The following VWA7 variants were observed in gnomAD, a reference collection of about 807,000 sequenced individuals.
The protein encoded by VWA7 is von Willebrand factor A domain-containing protein 7.
VWA7 carries 66 observed loss-of-function variants against 83.1 expected under a neutral mutation model. The ratio of observed to expected loss-of-function variants is 0.79; its 90% CI spans 0.65 to 0.98. The LOEUF (loss-of-function observed/expected upper bound fraction) is 0.98. VWA7 is among the 50% of genes least tolerant of loss of function. The pLI is 0.00. For synonymous variants in VWA7, 424 were observed against 488.5 expected, an observed-to-expected ratio of 0.87 and a Z score of 1.74; for missense variants, 1,080 against 1,160.2, an observed-to-expected ratio of 0.93 and a Z score of 1.00.
rs1246846924 is a variant in VWA7, at chr6:31,767,715, G to A, written c.1543C>T (p.Gln515Ter). ...CCATCCACGCTGAACACAAGTGGCT[G>A]CCCAGGCACCACAACAGGAGGGTCC... The part of the protein sequence containing the change: ...PLDPPVVVPG[Q>*]PLVFSVDGLL... The change falls in exon 11 of 17, where the codon CAG becomes TAG. Residue 515 changes from glutamine to a stop codon, truncating the protein, a stop_gained. Coordinates refer to ENST00000375688, the MANE Select transcript of VWA7 (RefSeq NM_025258.3). LOFTEE classifies it high-confidence loss of function. The A allele has an allele frequency of 1.9e-6, 3 of 1,612,754 alleles. No individual in the cohort carries two copies. Among genetic ancestry groups the A allele is most frequent in the Admixed American group, 1.7e-5 (1 of 59,984 alleles).
rs1261958994 is a variant in VWA7 at position 31,771,969 on chromosome 6, C to G, written c.1087+985G>C. On this transcript the variant is annotated intron_variant, in intron 7 of 16. Coordinates refer to ENST00000375688, the MANE Select transcript of VWA7 (RefSeq NM_025258.3). The stretch of plus-strand genomic sequence containing the variant: ...TCGCGCCATGGCACTCCAGCCTGGG[C>G]GACAGAGCGAGACTCCGTCTCAAAA... The G allele has an allele frequency of 3.4e-5, 4 of 116,104 alleles. 1 individual carries two copies. The highest frequency in any genetic ancestry group is 6.4e-5 in the Non-Finnish European group (4 of 62,366). 7.2% of individuals were successfully genotyped at this position (116,104 alleles called of 1,614,324 possible).
chr6:31,776,462 T>C lies in VWA7; in HGVS notation c.234+84A>G. ...GGTGGGGCCATGGGTGTCTCTTCTC[T>C]TGGCAACCAGAGCCCTCAAGGAGTA... On this transcript the variant is annotated intron_variant, in intron 2 of 16. Coordinates refer to ENST00000375688, the MANE Select transcript of VWA7 (RefSeq NM_025258.3). The surrounding 1 kb of genome is among the most constrained non-coding windows in gnomAD (Gnocchi z 6.2). 7.5e-7 allele frequency: 1 copy of C among 1,335,954 alleles called. No homozygotes were observed. The highest frequency in any genetic ancestry group is 1.0e-6 in the Non-Finnish European group (1 of 988,162). 82.8% of individuals were successfully genotyped at this position (1,335,954 alleles called of 1,614,324 possible).
rs1168472234 is a variant in VWA7 at position 31,766,402 on chromosome 6, T to C, written c.2185-18A>G. ...CCACTAAGCTGCAGAGAAGGGTTCT[T>C]CAGGGAAGGGGCCGCTCTAACTCTC... On this transcript the variant is annotated intron_variant, in intron 14 of 16. Coordinates refer to ENST00000375688, the MANE Select transcript of VWA7 (RefSeq NM_025258.3). The surrounding 1 kb of genome is among the most constrained non-coding windows in gnomAD (Gnocchi z 4.9). 6.3e-7 allele frequency: 1 copy of C among 1,587,176 alleles called. No homozygotes were observed. Among genetic ancestry groups the C allele is most frequent in the Non-Finnish European group, 8.6e-7 (1 of 1,167,372 alleles).
intron 10 of VWA7, 22 bp downstream of exon 10, chr6:31,768,996 G>A: frequency 6.3e-7 from 1 of 1,596,652 alleles, no homozygotes; most frequent in South Asian, 1.1e-5. Context: ...GTTCCTAAGT[G>A]AGGGCCCTGG....
Position 31,776,749 on chromosome 6 carries a change from G to C in VWA7, c.31C>G (p.Pro11Ala). 2.1e-6 allele frequency: 3 copies of C among 1,458,884 alleles called. No individual in the cohort carries two copies. The highest frequency in any genetic ancestry group is 2.7e-6 in the Non-Finnish European group (3 of 1,099,586). The allele number at this position is 1,458,884 out of a possible 1,614,324, so 90.4% of individuals were successfully genotyped here. Residue 11 changes from proline to alanine, a missense_variant, in exon 2 of 17, where the codon CCG becomes GCG. Pro to Ala is a conservative substitution (Grantham distance 27). Coordinates refer to ENST00000375688, the MANE Select transcript of VWA7 (RefSeq NM_025258.3). This position sits in a 1 kb window ranked among gnomAD's most constrained non-coding sequence, Gnocchi z 6.2. ...AGCAGAAGCAACGCTGAGGGGCCCG[G>C]GTGGGATTGGGGGACCTCCGTGGGG... MLPTEVPQSH[P>A]GPSALLLLQL...
At position 31,777,306 on chromosome 6, in the gene VWA7, T is replaced by G. The variant is rs1228938518; in HGVS notation, c.-213A>C. On this transcript the variant is annotated 5_prime_UTR_variant, in exon 1 of 17. Transcript: ENST00000375688. The surrounding 1 kb of genome is among the most constrained non-coding windows in gnomAD (Gnocchi z 5.8). ...CAGCCCACGCCAGGGCGGGCCTCCC[T>G]TGGCTGCAGTGCGGAGGTGAGTGAG... The G allele has an allele frequency of 3.8e-6, 2 of 532,798 alleles. No homozygotes were observed. The highest frequency in any genetic ancestry group is 6.7e-6 in the Non-Finnish European group (2 of 298,970). The allele number at this position is 532,798 out of a possible 1,614,324, so 33.0% of individuals were successfully genotyped here.
rs1376036179 is a variant in VWA7, at chr6:31,766,606, C to T, written c.2041G>A (p.Gly681Ser). Reference protein sequence around the residue: ...PLEPVGPPERGLLAASLSPTL... With the variant: ...PLEPVGPPERSLLAASLSPTL... ...GGCGACAGCGAGGCTGCGAGGAGACCTCGCTCCGGAGGTCCCACGGGCTCC... is the reference window on the plus strand; with the variant it reads ...GGCGACAGCGAGGCTGCGAGGAGACTTCGCTCCGGAGGTCCCACGGGCTCC... Residue 681 changes from glycine to serine, a missense_variant, in exon 14 of 17, where the codon GGT (glycine) becomes AGT (serine). Gly to Ser is a moderately conservative substitution (Grantham distance 56). Transcript: ENST00000375688. The surrounding 1 kb of genome is among the most constrained non-coding windows in gnomAD (Gnocchi z 4.9). 1 of 1,613,040 alleles carries T rather than the reference C, an allele frequency of 6.2e-7. No individual in the cohort carries two copies. Among genetic ancestry groups the T allele is most frequent in the Admixed American group, 1.7e-5 (1 of 60,030 alleles).
chr6:31,768,700 C>T (rs1015492639), intron 10 of VWA7, among the ~76,000 whole-genome samples: 1 of 152,098 alleles, frequency 6.6e-6, no homozygotes, highest in Non-Finnish European at 1.5e-5. Flanking sequence ...AAAAATTAGC[C>T]AGGCCTGGTG....
intron 10 of VWA7, among the ~76,000 whole-genome samples, chr6:31,768,412 C>G (rs1261870249): frequency 6.6e-6 from 1 of 151,974 alleles, no homozygotes; most frequent in East Asian, 1.9e-4. Context: ...GGTTCAAGAA[C>G]AGCTTAGTCA....
At chr6:31,767,036 T>C (rs1811659526) in intron 13 of VWA7, 122 bp downstream of exon 13, 1 of 450,370 alleles carries the variant, frequency 2.2e-6, no homozygotes, top group Non-Finnish European at 3.9e-6. Flanking sequence ...GTTATGCATA[T>C]GCACAGATGT....
In VWA7 at chr6:31,776,307, T is replaced by C; in HGVS notation, c.235-65A>G. 1 of 1,559,650 alleles carries C rather than the reference T, an allele frequency of 6.4e-7. No homozygotes were observed. The highest frequency in any genetic ancestry group is 8.7e-7 in the Non-Finnish European group (1 of 1,152,482). ...TTTGGATTGACTGTTGCCCACCTTA[T>C]CTCAGCAACTGACACTCAAGGCTGG... On this transcript the variant is annotated intron_variant, in intron 2 of 16. Transcript: ENST00000375688. This position sits in a 1 kb window ranked among gnomAD's most constrained non-coding sequence, Gnocchi z 6.2.
Position 31,776,988 on chromosome 6 carries a change from G to A in VWA7, c.-16+121C>T. 1 of 428,488 alleles carries A rather than the reference G, an allele frequency of 2.3e-6. No individual in the cohort carries two copies. Among genetic ancestry groups the A allele is most frequent in the Non-Finnish European group, 4.1e-6 (1 of 242,650 alleles). 26.5% of individuals were successfully genotyped at this position (428,488 alleles called of 1,614,324 possible). ...CATTAGGGACATACACACCTGCCAGGAGAGGGGTCCAAGGTTCCTCCCCCA... is the reference window on the plus strand; with the variant it reads ...CATTAGGGACATACACACCTGCCAGAAGAGGGGTCCAAGGTTCCTCCCCCA... On this transcript the variant is annotated intron_variant, in intron 1 of 16. Transcript: ENST00000375688. This position sits in a 1 kb window ranked among gnomAD's most constrained non-coding sequence, Gnocchi z 6.2.
chr6:31,776,437 G>A lies in VWA7; in HGVS notation c.234+109C>T, dbSNP rs371665064. The A allele has an allele frequency of 2.6e-5, 32 of 1,231,618 alleles. No individual in the cohort carries two copies. In the East Asian group the frequency reaches 4.9e-4, roughly 19 times the overall value. 76.3% of individuals were successfully genotyped at this position (1,231,618 alleles called of 1,614,324 possible). ...GACTACTGGGTATTATTGCTGCAGG[G>A]GTGGGGCCATGGGTGTCTCTTCTCT... On this transcript the variant is annotated intron_variant, in intron 2 of 16. Transcript: ENST00000375688. The surrounding 1 kb of genome is among the most constrained non-coding windows in gnomAD (Gnocchi z 6.2).
Position 31,776,810 on chromosome 6 carries a change from C to G in VWA7, c.-15-16G>C. On this transcript the variant is annotated splice_polypyrimidine_tract_variant and intron_variant, in intron 1 of 16. Coordinates refer to ENST00000375688, the MANE Select transcript of VWA7 (RefSeq NM_025258.3). This position sits in a 1 kb window ranked among gnomAD's most constrained non-coding sequence, Gnocchi z 6.2. ...AGACATGGACCTGGGAGACAGAAGG[C>G]TCTCAAGGGAGGAGGAAGCAGCCGC... is the stretch of plus-strand genomic sequence containing the variant. The G allele has an allele frequency of 7.6e-7, 1 of 1,317,556 alleles. No homozygotes were observed. The highest frequency in any genetic ancestry group is 9.9e-7 in the Non-Finnish European group (1 of 1,007,944). The allele number at this position is 1,317,556 out of a possible 1,614,324, so 81.6% of individuals were successfully genotyped here. A position where few individuals can be genotyped will look rare whatever the true frequency, so the allele number is the denominator to read the frequency against.
At chr6:31,770,538 C>T (rs1203113896) in intron 7 of VWA7, among the ~76,000 whole-genome samples, 6 of 141,862 alleles carry the variant, frequency 4.2e-5, no homozygotes, top group Non-Finnish European at 6.1e-5. Flanking sequence ...GAGATCGTGC[C>T]GCTGCACTCC....
chr6:31,775,547 C>T lies in VWA7; in HGVS notation c.514-118G>A. On this transcript the variant is annotated intron_variant, in intron 3 of 16. Transcript: ENST00000375688. This position sits in a 1 kb window ranked among gnomAD's most constrained non-coding sequence, Gnocchi z 5.9. ...TCCCGAAAGTCCCCTCCCACCCCTA[C>T]TGCTCCCACCAGACACCCCAAGTCC... 1 of 798,846 alleles carries T rather than the reference C, an allele frequency of 1.3e-6. No individual in the cohort carries two copies. Among genetic ancestry groups the T allele is most frequent in the Non-Finnish European group, 2.0e-6 (1 of 507,638 alleles). The allele number at this position is 798,846 out of a possible 1,614,324, so 49.5% of individuals were successfully genotyped here. A position where few individuals can be genotyped will look rare whatever the true frequency, so the allele number is the denominator to read the frequency against.
At chr6:31,768,995 T>G (rs1466321848) in intron 10 of VWA7, 23 bp downstream of exon 10, 15 of 1,595,856 alleles carry the variant, frequency 9.4e-6, no homozygotes, top group Non-Finnish European at 1.2e-5. Context: ...AGTTCCTAAG[T>G]GAGGGCCCTG....
Position 31,772,435 on chromosome 6 carries a change from A to C in VWA7, c.1087+519T>G, listed in dbSNP as rs137859769. Among the ~76,000 whole-genome samples the C allele has an allele frequency of 1.3e-4, 20 of 151,944 alleles. No homozygotes were observed. In the East Asian group the frequency reaches 3.9e-3, roughly 29 times the overall value. On this transcript the variant is annotated intron_variant, in intron 7 of 16. Coordinates refer to ENST00000375688, the MANE Select transcript of VWA7 (RefSeq NM_025258.3). ...CCAAAGTGCTGGGATTACAGGTGTGAGCCACCCCACCCAGGTTGCTGCTAA... is the reference window on the plus strand; with the variant it reads ...CCAAAGTGCTGGGATTACAGGTGTGCGCCACCCCACCCAGGTTGCTGCTAA...
In VWA7 at chr6:31,773,263, A is replaced by G. The variant is rs1326843404; in HGVS notation, c.896T>C (p.Leu299Pro). The change falls in exon 6 of 17, where the codon CTG (leucine) becomes CCG (proline). Residue 299 changes from leucine to proline, a missense_variant. By Grantham distance (98) the Leu-to-Pro change is moderately conservative (BLOSUM62 -3). Coordinates refer to ENST00000375688, the MANE Select transcript of VWA7 (RefSeq NM_025258.3). The surrounding 1 kb of genome is among the most constrained non-coding windows in gnomAD (Gnocchi z 5.3). The part of the protein sequence containing the change: ...IQAFSLLRSR[L>P]GDRDFSRLLD... The stretch of plus-strand genomic sequence containing the variant: ...TCACCTGGAGAAATCCCTGTCTCCC[A>G]GGCGGCTTCGCAGAAGGCTGAAGGC... 6.2e-7 allele frequency: 1 copy of G among 1,605,430 alleles called. No individual in the cohort carries two copies. The highest frequency in any genetic ancestry group is 8.5e-7 in the Non-Finnish European group (1 of 1,176,374).
Sources: allele counts gnomAD v4.1 joint callset (sites outside exome capture counted in the v4.1 genomes callset), GRCh38; gene constraint gnomAD v4.1.1; non-coding constraint Gnocchi (gnomAD v3.1); transcripts MANE v1.5; gene names NCBI Gene and HGNC (gene_info 2026-07-23, HGNC 2026-07-21).